The following SLC9B2 variants were observed in gnomAD, a reference collection of about 807,000 sequenced individuals.
The protein encoded by SLC9B2 is sodium/hydrogen exchanger 9B2.
SLC9B2 carries 39 observed loss-of-function variants against 52.2 expected under a neutral mutation model. The ratio of observed to expected loss-of-function variants is 0.75; its 90% CI spans 0.58 to 0.98. SLC9B2 has a LOEUF of 0.98. SLC9B2 is among the 50% of genes least tolerant of loss of function. The pLI is 0.00. For missense variants in SLC9B2, 626 were observed against 637.5 expected (o/e 0.98, Z 0.19); for synonymous variants, 214 against 227.0 (o/e 0.94, Z 0.51).
intron 8 of SLC9B2, among the ~76,000 whole-genome samples, chr4:103,043,683 G>A (rs1330268016): frequency 6.6e-6 from 1 of 152,142 alleles, no homozygotes; most frequent in Non-Finnish European, 1.5e-5. Context: ...AGTTATCAAT[G>A]CAGAATTTCA....
chr4:103,028,624 T>C, intron 11 of SLC9B2, 123 bp downstream of exon 11: 1 of 1,222,560 alleles, frequency 8.2e-7, no homozygotes. Context: ...TAGGATAAAC[T>C]CTTTTCATAA....
At chr4:103,068,922 C>T (rs1040778735) in intron 1 of SLC9B2, among the ~76,000 whole-genome samples, 3 of 152,146 alleles carry the variant, frequency 2.0e-5, no homozygotes, top group African/African-American at 4.8e-5. Context: ...AAGAAATTTG[C>T]ATTTAAAACT....
intron 1 of SLC9B2, among the ~76,000 whole-genome samples, chr4:103,072,940 C>T (rs1176793704): frequency 6.6e-6 from 1 of 151,982 alleles, no homozygotes; most frequent in East Asian, 1.9e-4. Context: ...GACTAGTGCT[C>T]TTATAAAAGA....
chr4:103,020,024 G>A (rs1741676029), downstream of SLC9B2: 2 of 666,590 alleles, frequency 3.0e-6, no homozygotes, highest in Non-Finnish European at 3.8e-6. Flanking sequence ...TGCAATGGTA[G>A]AAGAGCACGG....
intron 1 of SLC9B2, among the ~76,000 whole-genome samples, chr4:103,071,077 T>C (rs1304691797): frequency 6.6e-6 from 1 of 152,152 alleles, no homozygotes; most frequent in Admixed American, 6.5e-5. Flanking sequence ...AAAAATCCTT[T>C]AACAGCAGTT....
intron 1 of SLC9B2, among the ~76,000 whole-genome samples, chr4:103,073,952 C>T (rs2110677932): frequency 6.6e-6 from 1 of 152,278 alleles, no homozygotes; most frequent in South Asian, 2.1e-4. Context: ...AAATCAATCT[C>T]TGTAACACCA....
chr4:103,018,302 T>A, downstream of SLC9B2, among the ~76,000 whole-genome samples: 1 of 152,202 alleles, frequency 6.6e-6, no homozygotes, highest in East Asian at 1.9e-4. Context: ...GTATAAATTC[T>A]GGTACTCTAA....
At position 103,066,385 on chromosome 4, in the gene SLC9B2, T is replaced by C; in HGVS notation, c.213A>G (p.Arg71=). 1 of 1,614,104 alleles carries C rather than the reference T, an allele frequency of 6.2e-7. No individual in the cohort carries two copies. Among genetic ancestry groups the C allele is most frequent in the Non-Finnish European group, 8.5e-7 (1 of 1,179,944 alleles). Reference sequence around the variant, plus strand: ...GAGGGCAAGCCAGCATTTGTCTCAGTCTTTGTACGTGATTTGCTTCAGTTG... The same window carrying C: ...GAGGGCAAGCCAGCATTTGTCTCAGCCTTTGTACGTGATTTGCTTCAGTTG... ...ETPTEANHVQ[R]LRQMLACPPH... Residue 71 remains arginine (R), a synonymous_variant, in exon 3 of 12, where the codon AGA becomes AGG. Coordinates refer to ENST00000394785, the MANE Select transcript of SLC9B2 (RefSeq NM_178833.7).
In SLC9B2 at chr4:103,044,735, C is replaced by T. The variant is rs201866607; in HGVS notation, c.996+155G>A. Among the ~76,000 whole-genome samples, 3 of 152,124 alleles carry T rather than the reference C, an allele frequency of 2.0e-5. No homozygotes were observed. In the East Asian group the frequency reaches 5.8e-4, roughly 29 times the overall value. On this transcript the variant is annotated intron_variant, in intron 8 of 11. Coordinates refer to ENST00000394785, the MANE Select transcript of SLC9B2 (RefSeq NM_178833.7). ...GCATTAAAATCTTCTATATTGAGCC[C>T]ACTTCATAAATCTCATGGATAGCAG...
At chr4:103,030,434 G>T (rs1051662543) in intron 10 of SLC9B2, among the ~76,000 whole-genome samples, 2 of 152,070 alleles carry the variant, frequency 1.3e-5, no homozygotes, top group African/African-American at 2.4e-5. Flanking sequence ...GTAAAGCAAA[G>T]ACTGGATTTA....
intron 10 of SLC9B2, among the ~76,000 whole-genome samples, chr4:103,029,100 G>GA (rs1742473311): frequency 5.3e-5 from 8 of 152,076 alleles, no homozygotes; most frequent in Admixed American, 5.2e-4. Context: ...ATTAAAACCA[G>GA]AAATTAAGCA....
chr4:103,075,602 T>G (rs1006301201), intron 1 of SLC9B2, among the ~76,000 whole-genome samples: 2 of 152,194 alleles, frequency 1.3e-5, no homozygotes, highest in African/African-American at 4.8e-5. Flanking sequence ...GTCTGGTCAA[T>G]GGCATGTGGA....
rs12509294 is a variant in SLC9B2 at position 103,026,309 on chromosome 4, T to C, written c.*61A>G. ...AGCTTAAACATTACATATTTCAATA[T>C]GCATCTTGAAAAAAGTAGCAGCTTT... On this transcript the variant is annotated 3_prime_UTR_variant, in exon 12 of 12. Transcript: ENST00000394785. The C allele has an allele frequency of 5.4e-3, 7,422 of 1,381,626 alleles. 478 individuals carry two copies. The East Asian group carries it at 0.13, about 25-fold the overall frequency. The allele number at this position is 1,381,626 out of a possible 1,614,324, so 85.6% of individuals were successfully genotyped here.
chr4:103,022,462 C>A lies in SLC9B2; in HGVS notation c.*3908G>T, dbSNP rs575825540. On this transcript the variant is annotated 3_prime_UTR_variant, in exon 12 of 12. Coordinates refer to ENST00000394785, the MANE Select transcript of SLC9B2 (RefSeq NM_178833.7). ...TAATACATCCCCCAAAACTGCAGTA[C>A]AATTTTAAAGAAAAATAAAATACAT... Among the ~76,000 whole-genome samples the A allele has an allele frequency of 1.3e-5, 2 of 151,924 alleles. No homozygotes were observed. Among genetic ancestry groups the A allele is most frequent in the Non-Finnish European group, 2.9e-5 (2 of 67,986 alleles).
chr4:103,048,871 A>C, intron 6 of SLC9B2, 22 bp downstream of exon 6: 1 of 1,611,080 alleles, frequency 6.2e-7, no homozygotes, highest in Non-Finnish European at 8.5e-7. Context: ...ATATTTTCAT[A>C]TGACAAAGAA....
intron 1 of SLC9B2, among the ~76,000 whole-genome samples, 154 bp from the exon 2 acceptor site, chr4:103,067,746 T>A (rs998782138): frequency 1.3e-5 from 2 of 152,222 alleles, no homozygotes; most frequent in Non-Finnish European, 2.9e-5. Context: ...GTTATTGTTT[T>A]TGCTTGATTC....
At chr4:103,020,253 G>GTTTTTTT, downstream of SLC9B2, 39 of 387,844 alleles carry the variant, frequency 1.0e-4, no homozygotes, top group East Asian at 6.9e-4. Flanking sequence ...ACCTTTGTGA[G>GTTTTTTT]TTTTTTTTTT....
chr4:103,066,465 G>T lies in SLC9B2; in HGVS notation c.133C>A (p.Pro45Thr), dbSNP rs1746137227. The change falls in exon 3 of 12, where the codon CCA (proline) becomes ACA (threonine). Residue 45 changes from proline to threonine, a missense_variant. By Grantham distance (38) the Pro-to-Thr change is conservative. Coordinates refer to ENST00000394785, the MANE Select transcript of SLC9B2 (RefSeq NM_178833.7). ...TTCAAAAGAATACTTCCTTCTGTTGGTTCATTTGCATCTATACCTTTGAGC... is the reference window on the plus strand; with the variant it reads ...TTCAAAAGAATACTTCCTTCTGTTGTTTCATTTGCATCTATACCTTTGAGC... ...MKLKGIDANE[P>T]TEGSILLKSS... 2 of 1,613,650 alleles carry T rather than the reference G, an allele frequency of 1.2e-6. No homozygotes were observed. The highest frequency in any genetic ancestry group is 1.3e-5 in the African/African-American group (1 of 74,810).
chr4:103,045,034 C>A, intron 7 of SLC9B2, 38 bp from the exon 8 acceptor site: 1 of 1,318,256 alleles, frequency 7.6e-7, no homozygotes, highest in Non-Finnish European at 1.1e-6. Flanking sequence ...GCTCTAAATC[C>A]AACAAATACA....
Sources: gnomAD v4.1 joint callset for allele counts (sites outside exome capture counted in the v4.1 genomes callset) on GRCh38, gnomAD v4.1.1 for gene constraint, MANE v1.5 for transcripts, NCBI Gene and HGNC (gene_info 2026-07-23, HGNC 2026-07-21) for gene names.